TRAF3: variants seen among roughly 807,000 people sequenced by gnomAD.
TRAF3 encodes TNF receptor-associated factor 3.
In TRAF3, 13 loss-of-function variants were observed where a neutral mutation model predicts 62.3. That is an observed-to-expected ratio of 0.21 (90% CI 0.14 to 0.33). TRAF3 has a LOEUF of 0.33. Among genes scored for constraint, TRAF3 ranks in the 10% least tolerant of loss-of-function variants. The pLI, the probability that TRAF3 is intolerant of heterozygous loss-of-function variation, is 1.00. For synonymous variants in TRAF3, 269 were observed against 283.4 expected (o/e 0.95, Z 0.51); for missense variants, 440 against 741.8 (o/e 0.59, Z 4.73).
intron 10 of TRAF3, among the ~76,000 whole-genome samples, chr14:102,901,153 G>A (rs1025055901): frequency 2.6e-5 from 4 of 152,170 alleles, no homozygotes; most frequent in Non-Finnish European, 4.4e-5. Flanking sequence ...TTCCTGACTC[G>A]GGGGCCCCTG....
At chr14:102,898,521 G>A (rs373586494) in intron 10 of TRAF3, among the ~76,000 whole-genome samples, 1 of 152,220 alleles carries the variant, frequency 6.6e-6, no homozygotes, top group Non-Finnish European at 1.5e-5. Flanking sequence ...CTGCACCTGC[G>A]CTCCCTGGCA....
intron 2 of TRAF3, among the ~76,000 whole-genome samples, chr14:102,840,301 C>T (rs1024369347): frequency 2.0e-5 from 3 of 152,172 alleles, no homozygotes; most frequent in Non-Finnish European, 4.4e-5. Context: ...TAGCTCACTA[C>T]AGCTATGGTA....
chr14:102,801,544 GTTTGTTTT>G (rs1021116508), intron 1 of TRAF3, among the ~76,000 whole-genome samples: 3 of 151,928 alleles, frequency 2.0e-5, no homozygotes, highest in African/African-American at 7.2e-5. Flanking sequence ...ATTTTTGTTT[GTTTGTTTT>G]GAGACAGTGT....
At chr14:102,837,437 G>T (rs1886092612) in intron 2 of TRAF3, among the ~76,000 whole-genome samples, 1 of 152,094 alleles carries the variant, frequency 6.6e-6, no homozygotes, top group South Asian at 2.1e-4. Flanking sequence ...GAGCCACCGT[G>T]CCTGGCCTCC....
chr14:102,859,184 A>C (rs1022987300), intron 2 of TRAF3, among the ~76,000 whole-genome samples: 12 of 135,714 alleles, frequency 8.8e-5, no homozygotes, highest in African/African-American at 3.5e-4. Context: ...TTAACCCTTT[A>C]ATTTAGGCCA....
rs541399529 is a variant in TRAF3, at chr14:102,865,338, T to C, written c.-17-4847T>C. On this transcript the variant is annotated intron_variant, in intron 2 of 11. Transcript: ENST00000392745. ...CTTTTGTTTAGAAAGCATATTTTCC[T>C]TGAGCAATGTCTGTCAATTTGACAT... is the stretch of plus-strand genomic sequence containing the variant. Among the ~76,000 whole-genome samples the C allele has an allele frequency of 4.6e-5, 7 of 152,336 alleles. No homozygotes were observed. The East Asian group carries it at 1.2e-3, about 25-fold the overall frequency.
intron 1 of TRAF3, among the ~76,000 whole-genome samples, chr14:102,811,298 CTT>C (rs1187740539): frequency 5.6e-5 from 8 of 143,472 alleles, no homozygotes; most frequent in African/African-American, 2.0e-4. Flanking sequence ...CAATGGGTAC[CTT>C]TTTTTTTTTT....
chr14:102,822,726 C>T (rs1259871302), intron 1 of TRAF3, among the ~76,000 whole-genome samples: 1 of 152,186 alleles, frequency 6.6e-6, no homozygotes, highest in African/African-American at 2.4e-5. Context: ...CACATGCTGG[C>T]CGGGCGCTGT....
Position 102,906,808 on chromosome 14 carries a change from G to GC in TRAF3, c.*1025dup, listed in dbSNP as rs1890606458. ...GGCGGGTGACTGCTGAGGGAGGCCCGCAGGTGTGTTTCTCCATCCCGTCAT... is the reference window on the plus strand; with the variant it reads ...GGCGGGTGACTGCTGAGGGAGGCCCGCCAGGTGTGTTTCTCCATCCCGTCAT... On this transcript the variant is annotated 3_prime_UTR_variant, in exon 12 of 12. Coordinates refer to ENST00000392745, the MANE Select transcript of TRAF3 (RefSeq NM_145725.3). 1 of 152,216 alleles carries GC rather than the reference G, an allele frequency of 6.6e-6. No individual in the cohort carries two copies. Among genetic ancestry groups the GC allele is most frequent in the African/African-American group, 2.4e-5 (1 of 41,444 alleles). The allele number at this position is 152,216 out of a possible 1,614,324, so 9.4% of individuals were successfully genotyped here. A position where few individuals can be genotyped will look rare whatever the true frequency, so the allele number is the denominator to read the frequency against.
chr14:102,824,529 A>G (rs1900181167), intron 1 of TRAF3, among the ~76,000 whole-genome samples: 1 of 152,248 alleles, frequency 6.6e-6, no homozygotes, highest in Non-Finnish European at 1.5e-5. Context: ...TTCAGGCGGA[A>G]TGCCGATTAC....
intron 4 of TRAF3, among the ~76,000 whole-genome samples, chr14:102,874,693 C>T (rs550398014): frequency 6.6e-6 from 1 of 151,522 alleles, no homozygotes; most frequent in East Asian, 1.9e-4. Context: ...CACTGTCGCC[C>T]AGTCTGGAGT....
chr14:102,886,053 A>C, intron 6 of TRAF3, 136 bp from the exon 7 acceptor site: 1 of 717,160 alleles, frequency 1.4e-6, no homozygotes, highest in Non-Finnish European at 2.5e-6. Flanking sequence ...ACTCAGCCAT[A>C]CGTAATGTGA....
rs137960258 is a variant in TRAF3, at chr14:102,883,028, G to A, written c.571-3161G>A. Among the ~76,000 whole-genome samples, 151 of 152,244 alleles carry A rather than the reference G, an allele frequency of 9.9e-4. 2 individuals are homozygous for A. The highest frequency in any genetic ancestry group is 6.8e-3 in the Middle Eastern group (2 of 294). ...GTGGTACAAGTCTGTAGGTATGACC[G>A]CTTTGGAAATCAACTGTCAGTATCC... is the stretch of plus-strand genomic sequence containing the variant. On this transcript the variant is annotated intron_variant, in intron 6 of 11. Transcript: ENST00000392745.
intron 1 of TRAF3, among the ~76,000 whole-genome samples, chr14:102,815,354 G>T (rs553889417): frequency 6.6e-6 from 1 of 152,064 alleles, no homozygotes; most frequent in East Asian, 1.9e-4. Context: ...GTATGTGTTG[G>T]TTTTTTATTT....
chr14:102,895,438 T>G (rs1294371988), intron 9 of TRAF3, among the ~76,000 whole-genome samples: 1 of 152,256 alleles, frequency 6.6e-6, no homozygotes, highest in Non-Finnish European at 1.5e-5. Context: ...TGGCTACCCT[T>G]TAGATGGACA....
rs1163083553 is a variant in TRAF3, at chr14:102,908,626, TGGG to T, written c.*2845_*2847del. 3.9e-5 allele frequency: 6 copies of T among 152,576 alleles called. No individual in the cohort carries two copies. The highest frequency in any genetic ancestry group is 1.4e-4 in the African/African-American group (6 of 41,440). 9.5% of individuals were successfully genotyped at this position (152,576 alleles called of 1,614,324 possible). A position where few individuals can be genotyped will look rare whatever the true frequency, so the allele number is the denominator to read the frequency against. On this transcript the variant is annotated 3_prime_UTR_variant, in exon 12 of 12. Transcript: ENST00000392745. ...CAGGGCCCTGGCAGCAAGCGGGAAA[TGGG>T]GGCGCACACTGTGTGCTTGGGGGTG...
rs144574815 is a variant in TRAF3 at position 102,857,488 on chromosome 14, C to A, written c.-17-12697C>A. 5.7e-3 allele frequency among the ~76,000 whole-genome samples: 870 copies of A among 152,304 alleles called. 9 individuals are homozygous for A. Among genetic ancestry groups the A allele is most frequent in the Admixed American group, 9.9e-3 (151 of 15,302 alleles). The stretch of plus-strand genomic sequence containing the variant: ...AAATTGGCTTTGATGAAACTTCATT[C>A]CATAAAAGGAAGCTTAGATAAGACT... On this transcript the variant is annotated intron_variant, in intron 2 of 11. Coordinates refer to ENST00000392745, the MANE Select transcript of TRAF3 (RefSeq NM_145725.3).
intron 9 of TRAF3, chr14:102,895,182 C>G (rs185450677): frequency 4.4e-6 from 2 of 451,510 alleles, no homozygotes; most frequent in Admixed American, 2.4e-5. Context: ...GCATATGGCC[C>G]GCTCCACATT....
In TRAF3 at chr14:102,870,154, A is replaced by G. The variant is rs779599674; in HGVS notation, c.-17-31A>G. 6 of 1,613,838 alleles carry G rather than the reference A, an allele frequency of 3.7e-6. No individual in the cohort carries two copies. The African/African-American group carries it at 5.3e-5, about 14-fold the overall frequency. On this transcript the variant is annotated intron_variant, in intron 2 of 11. Transcript: ENST00000392745. ...TGTTTGTTTCCTTGCATGAGAGGAT[A>G]TGATGGCACTCTACTGTTTTTTCCC...
Sources: allele counts gnomAD v4.1 joint callset (sites outside exome capture counted in the v4.1 genomes callset), GRCh38; gene constraint gnomAD v4.1.1; transcripts MANE v1.5; gene names NCBI Gene and HGNC (gene_info 2026-07-23, HGNC 2026-07-21).